Variants in KLHL42 observed in about 807,000 individuals in gnomAD.
KLHL42 encodes kelch-like protein 42.
In KLHL42, 27 loss-of-function variants were observed where a neutral mutation model predicts 32.7. The ratio of observed to expected loss-of-function variants is 0.83; its 90% CI spans 0.61 to 1.14. The LOEUF (loss-of-function observed/expected upper bound fraction) is 1.14, where lower values mean the gene tolerates loss of function less well. Ranked by LOEUF, KLHL42 falls within the 50% of genes most tolerant of loss-of-function variation. KLHL42 has a pLI of 0.00. For synonymous variants in KLHL42, 267 were observed against 248.2 expected, an observed-to-expected ratio of 1.08 and a Z score of -0.71; for missense variants, 491 against 560.8, an observed-to-expected ratio of 0.88 and a Z score of 1.26.
At chr12:27,784,469 C>G (rs2062163260) in intron 1 of KLHL42, among the ~76,000 whole-genome samples, 1 of 151,934 alleles carries the variant, frequency 6.6e-6, no homozygotes, top group African/African-American at 2.4e-5. Flanking sequence ...TTTGTTGAAG[C>G]TGGGTGCAAT....
intron 1 of KLHL42, among the ~76,000 whole-genome samples, chr12:27,785,698 T>C (rs2062169025): frequency 6.6e-6 from 1 of 152,096 alleles, no homozygotes; most frequent in African/African-American, 2.4e-5. Flanking sequence ...TCTCTGTTGT[T>C]GTCTCTCTGC....
At chr12:27,783,537 G>A (rs1035345807) in intron 1 of KLHL42, among the ~76,000 whole-genome samples, 9 of 151,928 alleles carry the variant, frequency 5.9e-5, no homozygotes, top group African/African-American at 2.2e-4. Flanking sequence ...ATATCTGAGA[G>A]TTTTTTTTCT....
chr12:27,800,662 T>C lies in KLHL42; in HGVS notation c.*2496T>C, dbSNP rs2062242847. The C allele has an allele frequency of 6.6e-6, 1 of 152,468 alleles. No individual in the cohort carries two copies. The allele number at this position is 152,468 out of a possible 1,614,324, so 9.4% of individuals were successfully genotyped here. A position where few individuals can be genotyped will look rare whatever the true frequency, so the allele number is the denominator to read the frequency against. On this transcript the variant is annotated 3_prime_UTR_variant, in exon 3 of 3. Coordinates refer to ENST00000381271, the MANE Select transcript of KLHL42 (RefSeq NM_020782.2). Reference sequence around the variant, plus strand: ...GGCGGAGGTTGCAGTGAGCCGAGATTGTGCCATTGCACTCCAGCCTGGGCG... The same window carrying C: ...GGCGGAGGTTGCAGTGAGCCGAGATCGTGCCATTGCACTCCAGCCTGGGCG...
intron 1 of KLHL42, among the ~76,000 whole-genome samples, chr12:27,788,672 G>A (rs1270985593): frequency 1.3e-5 from 2 of 152,176 alleles, no homozygotes; most frequent in East Asian, 1.9e-4. Flanking sequence ...TCCAGCCTGG[G>A]CAATGAAACG....
At chr12:27,785,626 G>T (rs1490814245) in intron 1 of KLHL42, among the ~76,000 whole-genome samples, 1 of 152,036 alleles carries the variant, frequency 6.6e-6, no homozygotes, top group Non-Finnish European at 1.5e-5. Context: ...TCTGGCTTGG[G>T]CTGAGTGTTC....
In KLHL42 at chr12:27,800,497, A is replaced by G. The variant is rs1388471966; in HGVS notation, c.*2331A>G. 5.1e-5 allele frequency: 23 copies of G among 446,872 alleles called. No homozygotes were observed. The highest frequency in any genetic ancestry group is 1.2e-5 in the Non-Finnish European group (4 of 337,992). The allele number at this position is 446,872 out of a possible 1,614,324, so 27.7% of individuals were successfully genotyped here. On this transcript the variant is annotated 3_prime_UTR_variant, in exon 3 of 3. Coordinates refer to ENST00000381271, the MANE Select transcript of KLHL42 (RefSeq NM_020782.2). The stretch of plus-strand genomic sequence containing the variant: ...GGAACAGATCTGTGCATTTTGTGAC[A>G]TCGTCCTTCCTGCTGTGCACATCAG...
chr12:27,794,389 TTCTG>T (rs796142783), intron 2 of KLHL42, among the ~76,000 whole-genome samples: 6 of 152,304 alleles, frequency 3.9e-5, no homozygotes, highest in African/African-American at 1.2e-4. Flanking sequence ...GCTTCTCCCT[TTCTG>T]TCTAAGGACA....
chr12:27,782,940 T>G (rs2062155357), intron 1 of KLHL42, among the ~76,000 whole-genome samples: 3 of 152,146 alleles, frequency 2.0e-5, no homozygotes, highest in Admixed American at 2.0e-4. Flanking sequence ...TGTATAAACA[T>G]TTATACTGTA....
rs2062145811 is a variant in KLHL42, at chr12:27,781,098, C to A, written c.768C>A (p.Phe256Leu). 1 of 1,614,060 alleles carries A rather than the reference C, an allele frequency of 6.2e-7. No homozygotes were observed. Among genetic ancestry groups the A allele is most frequent in the South Asian group, 1.1e-5 (1 of 91,070 alleles). Residue 256 changes from phenylalanine (F) to leucine (L), a missense_variant, in exon 1 of 3, where the codon TTC becomes TTA. Phe to Leu is a conservative substitution (Grantham distance 22). Around this residue, in one of 4 missense-constraint regions of KLHL42, gnomAD observed 248 missense variants for 329.2 expected, o/e 0.75. Transcript: ENST00000381271. ...CTGCCATCCTGGACAACTACCTCTTCATAGTGGGCGGGTACAGGATCACTA... is the reference window on the plus strand; with the variant it reads ...CTGCCATCCTGGACAACTACCTCTTAATAGTGGGCGGGTACAGGATCACTA... ...YGSAILDNYLFIVGGYRITSQ... is the reference protein window; with the variant it reads ...YGSAILDNYLLIVGGYRITSQ...
chr12:27,789,953 A>G (rs2062188958), intron 1 of KLHL42, among the ~76,000 whole-genome samples: 4 of 152,152 alleles, frequency 2.6e-5, no homozygotes, highest in Admixed American at 2.6e-4. Context: ...AAAAATCTTA[A>G]CTGTTTAGTA....
intron 2 of KLHL42, among the ~76,000 whole-genome samples, chr12:27,793,221 A>G (rs2062204813): frequency 6.6e-6 from 1 of 151,714 alleles, no homozygotes. Context: ...GGCCTGGGCA[A>G]CATAGCAAGA....
chr12:27,793,123 G>T (rs59195360), intron 2 of KLHL42, among the ~76,000 whole-genome samples: 4,844 of 152,244 alleles, frequency 0.032, 245 homozygotes, highest in African/African-American at 0.11. Flanking sequence ...CAATGTAGTT[G>T]TTGGTGGGAT....
rs770346228 is a variant in KLHL42, at chr12:27,800,043, AATCT to A, written c.*1880_*1883del. 241 of 951,990 alleles carry A rather than the reference AATCT, an allele frequency of 2.5e-4. No individual in the cohort carries two copies. The highest frequency in any genetic ancestry group is 3.0e-4 in the Non-Finnish European group (238 of 799,640). 59.0% of individuals were successfully genotyped at this position (951,990 alleles called of 1,614,324 possible). A position where few individuals can be genotyped will look rare whatever the true frequency, so the allele number is the denominator to read the frequency against. ...TGTAATTTCATTACATATATTTTAAAATCTATTTATTTTAGATGGTGTTAACTTT... is the reference window on the plus strand; with the variant it reads ...TGTAATTTCATTACATATATTTTAAAATTTATTTTAGATGGTGTTAACTTT... On this transcript the variant is annotated 3_prime_UTR_variant, in exon 3 of 3. Transcript: ENST00000381271.
At chr12:27,785,855 T>C (rs1386715272) in intron 1 of KLHL42, among the ~76,000 whole-genome samples, 1 of 152,244 alleles carries the variant, frequency 6.6e-6, no homozygotes, top group African/African-American at 2.4e-5. Context: ...TAAAAGTTAA[T>C]GTATAATTTT....
Position 27,780,679 on chromosome 12 carries a change from C to G in KLHL42, c.349C>G (p.Leu117Val), listed in dbSNP as rs1328308575. 6.2e-7 allele frequency: 1 copy of G among 1,602,300 alleles called. No individual in the cohort carries two copies. The highest frequency in any genetic ancestry group is 2.2e-5 in the East Asian group (1 of 44,694). The change falls in exon 1 of 3, where the codon CTG becomes GTG. Residue 117 changes from leucine (L) to valine (V), a missense_variant. Coordinates refer to ENST00000381271, the MANE Select transcript of KLHL42 (RefSeq NM_020782.2). The surrounding 1 kb of genome is among the most constrained non-coding windows in gnomAD (Gnocchi z 8.8). ...GGCCTCCTTCCTGCAGGTCACGTCCCTGCTGCAGCTGCTGCTGTCCCAGGT... is the reference window on the plus strand; with the variant it reads ...GGCCTCCTTCCTGCAGGTCACGTCCGTGCTGCAGCTGCTGCTGTCCCAGGT... ...EAASFLQVTS[L>V]LQLLLSQVRL...
intron 1 of KLHL42, among the ~76,000 whole-genome samples, chr12:27,785,458 T>G (rs1347930220): frequency 1.3e-5 from 2 of 152,168 alleles, no homozygotes; most frequent in Non-Finnish European, 2.9e-5. Flanking sequence ...ATCCTCCCAC[T>G]GTGGCCTCCC....
intron 1 of KLHL42, among the ~76,000 whole-genome samples, chr12:27,783,811 C>G (rs938506954): frequency 1.3e-5 from 2 of 152,130 alleles, no homozygotes; most frequent in Non-Finnish European, 2.9e-5. Context: ...GTCTCGATCT[C>G]CTGACCTCGT....
intron 1 of KLHL42, 46 bp downstream of exon 1, chr12:27,781,248 G>T: frequency 1.3e-6 from 2 of 1,583,576 alleles, no homozygotes. Context: ...TCATTCACTT[G>T]TTCATTAGTT....
intron 1 of KLHL42, among the ~76,000 whole-genome samples, chr12:27,790,412 G>GT (rs2062191393): frequency 6.6e-6 from 1 of 152,116 alleles, no homozygotes; most frequent in Non-Finnish European, 1.5e-5. Context: ...TTGTGCTCAG[G>GT]TTTTTTTCTG....
Sources: gnomAD v4.1 joint callset for allele counts (sites outside exome capture counted in the v4.1 genomes callset) on GRCh38, gnomAD v4.1.1 for gene constraint, gnomAD v4.1.1 regional missense constraint, Gnocchi (gnomAD v3.1) non-coding constraint, MANE v1.5 for transcripts, NCBI Gene and HGNC (gene_info 2026-07-23, HGNC 2026-07-21) for gene names.